Variants in DLC1 observed in about 807,000 individuals in gnomAD.
The protein encoded by DLC1 is DLC1 Rho GTPase activating protein, also known as rho GTPase-activating protein 7.
Under a neutral mutation model 140.3 loss-of-function variants are expected in DLC1, and 54 were observed. The observed-to-expected ratio is 0.38, with a 90% CI of 0.31 to 0.48. The LOEUF (loss-of-function observed/expected upper bound fraction) is 0.48. Ranked by LOEUF, DLC1 falls within the 20% of genes least tolerant of loss-of-function variation. The pLI, the probability that DLC1 is intolerant of heterozygous loss-of-function variation, is 0.96. For synonymous variants in DLC1, 986 were observed against 728.1 expected (o/e 1.35, Z -5.70); for missense variants, 2,536 against 1,907.0 (o/e 1.33, Z -6.14).
intron 4 of DLC1, among the ~76,000 whole-genome samples, chr8:13,383,489 C>T (rs6994521): frequency 0.06 from 9,178 of 152,186 alleles, 943 homozygotes; most frequent in African/African-American, 0.21. Context: ...TGAACAGATG[C>T]TATCTTTTGG....
At chr8:13,120,249 A>G (rs969297900) in intron 5 of DLC1, among the ~76,000 whole-genome samples, 1 of 149,764 alleles carries the variant, frequency 6.7e-6, no homozygotes, top group Non-Finnish European at 1.5e-5. Context: ...AGGCTGAGGC[A>G]GGAGAATGGC....
At chr8:13,237,369 A>G (rs1053893411) in intron 5 of DLC1, among the ~76,000 whole-genome samples, 2 of 151,092 alleles carry the variant, frequency 1.3e-5, no homozygotes, top group African/African-American at 4.9e-5. Flanking sequence ...TACACACACC[A>G]CACACACAGA....
chr8:13,449,952 T>C (rs1237652824), intron 2 of DLC1, among the ~76,000 whole-genome samples: 1 of 152,152 alleles, frequency 6.6e-6, no homozygotes, highest in Admixed American at 6.6e-5. Flanking sequence ...AATTAGGTGA[T>C]AGCTATAACT....
At chr8:13,139,222 G>A (rs953077462) in intron 5 of DLC1, among the ~76,000 whole-genome samples, 1 of 140,350 alleles carries the variant, frequency 7.1e-6, no homozygotes, top group African/African-American at 2.7e-5. Flanking sequence ...CCGGGTAGTC[G>A]AGGCTGGATT....
chr8:13,115,856 G>T (rs1023023412), intron 5 of DLC1, among the ~76,000 whole-genome samples, 199 bp from the exon 6 acceptor site: 1 of 152,130 alleles, frequency 6.6e-6, no homozygotes, highest in Non-Finnish European at 1.5e-5. Context: ...GTGTACATGA[G>T]GATGTATTTT....
At chr8:13,111,988 A>T (rs1330197761) in intron 6 of DLC1, among the ~76,000 whole-genome samples, 1 of 152,028 alleles carries the variant, frequency 6.6e-6, no homozygotes, top group Non-Finnish European at 1.5e-5. Flanking sequence ...TCTACAAAAA[A>T]AATCTAAAAA....
intron 1 of DLC1, among the ~76,000 whole-genome samples, chr8:13,592,500 A>G (rs1011904184): frequency 6.6e-6 from 1 of 152,070 alleles, no homozygotes; most frequent in African/African-American, 2.4e-5. Context: ...TTTCCATCCA[A>G]AACCTAACAT....
chr8:13,099,291 C>T (rs897968444), intron 9 of DLC1, 56 bp downstream of exon 9: 8 of 1,557,868 alleles, frequency 5.1e-6, no homozygotes, highest in South Asian at 1.3e-5. Context: ...CAAGCACAGG[C>T]AATGTCTTTC....
rs192493399 is a variant in DLC1 at position 13,420,964 on chromosome 8, C to G, written c.1024-19345G>C. Among the ~76,000 whole-genome samples, 632 of 152,214 alleles carry G rather than the reference C, an allele frequency of 4.2e-3. 6 individuals carry two copies. The highest frequency in any genetic ancestry group is 0.015 in the African/African-American group (610 of 41,524). On this transcript the variant is annotated intron_variant, in intron 2 of 17. Coordinates refer to ENST00000276297, the MANE Select transcript of DLC1 (RefSeq NM_182643.3). ...AAACATCAGTTTGAGCTCTTGGACGCTTTCTCTAAACCCCTTACAGATTAT... is the reference window on the plus strand; with the variant it reads ...AAACATCAGTTTGAGCTCTTGGACGGTTTCTCTAAACCCCTTACAGATTAT...
At chr8:13,320,472 G>A (rs1245801531) in intron 4 of DLC1, among the ~76,000 whole-genome samples, 1 of 152,138 alleles carries the variant, frequency 6.6e-6, no homozygotes, top group Non-Finnish European at 1.5e-5. Context: ...TGAAAACAAT[G>A]TCTTTTTTTC....
intron 5 of DLC1, among the ~76,000 whole-genome samples, chr8:13,238,786 G>A (rs1451768794): frequency 2.0e-5 from 3 of 152,170 alleles, no homozygotes; most frequent in African/African-American, 4.8e-5. Flanking sequence ...TGCCCTGGAA[G>A]CTGTAAAAAT....
At chr8:13,346,898 G>C (rs953663163) in intron 4 of DLC1, among the ~76,000 whole-genome samples, 1 of 152,314 alleles carries the variant, frequency 6.6e-6, no homozygotes, top group African/African-American at 2.4e-5. Flanking sequence ...ACTTTCTCCG[G>C]TTTCAGTTAC....
intron 5 of DLC1, among the ~76,000 whole-genome samples, chr8:13,200,719 C>T (rs1017313588): frequency 6.6e-6 from 1 of 151,988 alleles, no homozygotes; most frequent in Admixed American, 6.6e-5. Context: ...ATCCTCCTAC[C>T]TCAGCCTCCT....
chr8:13,111,720 T>C (rs533656621), intron 6 of DLC1, among the ~76,000 whole-genome samples: 1 of 151,704 alleles, frequency 6.6e-6, no homozygotes, highest in South Asian at 2.1e-4. Context: ...TGAGGGCAAA[T>C]CATGGGCCTC....
intron 5 of DLC1, among the ~76,000 whole-genome samples, chr8:13,155,166 C>T (rs1314916980): frequency 1.6e-4 from 24 of 149,648 alleles, no homozygotes; most frequent in African/African-American, 4.2e-4. Context: ...GTCTCCATAT[C>T]GGTGTATAAA....
chr8:13,368,626 G>T (rs1835599150), intron 4 of DLC1, among the ~76,000 whole-genome samples: 1 of 151,688 alleles, frequency 6.6e-6, no homozygotes, highest in African/African-American at 2.4e-5. Context: ...GTACCAAGTT[G>T]ACATGCATCA....
chr8:13,588,205 A>G (rs542073589), intron 1 of DLC1, among the ~76,000 whole-genome samples: 2 of 152,238 alleles, frequency 1.3e-5, no homozygotes, highest in East Asian at 3.9e-4. Flanking sequence ...AACAATGGAA[A>G]AAGAATGGGG....
intron 2 of DLC1, among the ~76,000 whole-genome samples, chr8:13,410,712 T>C (rs2117295144): frequency 6.6e-6 from 1 of 152,142 alleles, no homozygotes; most frequent in East Asian, 1.9e-4. Flanking sequence ...GAAAGATATA[T>C]ACTTGCTCTG....
chr8:13,491,818 C>T (rs1801260117), intron 2 of DLC1, among the ~76,000 whole-genome samples: 1 of 152,190 alleles, frequency 6.6e-6, no homozygotes, highest in African/African-American at 2.4e-5. Context: ...TTAAGTTCTT[C>T]TGCATCTTTA....
Sources: allele counts gnomAD v4.1 joint callset (sites outside exome capture counted in the v4.1 genomes callset), GRCh38; gene constraint gnomAD v4.1.1; transcripts MANE v1.5; gene names NCBI Gene and HGNC (gene_info 2026-07-23, HGNC 2026-07-21).